The following SUCLG2 variants were observed in gnomAD, a reference collection of about 807,000 sequenced individuals.
SUCLG2 encodes the protein succinate-CoA ligase GDP-forming subunit beta.
A neutral mutation model predicts 47.9 loss-of-function variants in SUCLG2; 42 were observed. That is an observed-to-expected ratio of 0.88 (90% confidence interval 0.69 to 1.14). The LOEUF (loss-of-function observed/expected upper bound fraction) is 1.14, where lower values mean the gene tolerates loss of function less well. SUCLG2 is among the 50% of genes most tolerant of loss of function. The pLI is 0.00. For missense variants in SUCLG2, 571 were observed against 525.9 expected (o/e 1.09, Z -0.84); for synonymous variants, 195 against 197.3 (o/e 0.99, Z 0.10).
intron 6 of SUCLG2, among the ~76,000 whole-genome samples, chr3:67,509,718 G>T (rs563584143): frequency 6.6e-6 from 1 of 152,310 alleles, no homozygotes; most frequent in South Asian, 2.1e-4. Context: ...GCAAGAGGGT[G>T]GATCGTGGAG....
intron 9 of SUCLG2, among the ~76,000 whole-genome samples, chr3:67,457,803 C>T (rs1392666744): frequency 1.4e-5 from 2 of 146,590 alleles, no homozygotes; most frequent in East Asian, 4.3e-4. Flanking sequence ...ATGCATGAGA[C>T]ACAGTGGTAC....
chr3:67,623,178 G>A (rs1700764086), intron 1 of SUCLG2, among the ~76,000 whole-genome samples: 2 of 152,128 alleles, frequency 1.3e-5, no homozygotes, highest in South Asian at 4.1e-4. Flanking sequence ...TGTGTTCCAA[G>A]AATCATCTCC....
intron 1 of SUCLG2, among the ~76,000 whole-genome samples, chr3:67,622,845 G>T (rs1700758302): frequency 6.6e-6 from 1 of 152,172 alleles, no homozygotes; most frequent in South Asian, 2.1e-4. Flanking sequence ...TCCCTCAACA[G>T]GCCAGCATTA....
chr3:67,632,764 T>C (rs1700948908), intron 1 of SUCLG2, among the ~76,000 whole-genome samples: 1 of 152,108 alleles, frequency 6.6e-6, no homozygotes, highest in African/African-American at 2.4e-5. Flanking sequence ...GATTAACACA[T>C]GTTTCCAAGG....
At chr3:67,511,252 A>G (rs1040605727) in intron 6 of SUCLG2, among the ~76,000 whole-genome samples, 6 of 152,186 alleles carry the variant, frequency 3.9e-5, no homozygotes, top group Non-Finnish European at 8.8e-5. Flanking sequence ...TATCAGAGAC[A>G]CTATTTTCCA....
chr3:67,506,489 T>A (rs74367243), intron 7 of SUCLG2, among the ~76,000 whole-genome samples: 1 of 136,180 alleles, frequency 7.3e-6, no homozygotes, highest in South Asian at 2.8e-4. Flanking sequence ...TAAAAAAAAA[T>A]CTCAAGACTC....
In SUCLG2 at chr3:67,572,817, C is replaced by T. The variant is rs1707649317; in HGVS notation, c.226+36638G>A. Among the ~76,000 whole-genome samples, 2 of 151,162 alleles carry T rather than the reference C, an allele frequency of 1.3e-5. 1 individual carries two copies. Among genetic ancestry groups the T allele is most frequent in the South Asian group, 4.2e-4 (2 of 4,804 alleles). On this transcript the variant is annotated intron_variant, in intron 2 of 10. Coordinates refer to ENST00000307227, the MANE Select transcript of SUCLG2 (RefSeq NM_003848.4). ...CATGGTAGTAGAGGTTGAGCCACTG[C>T]AAGCAGGCAAGGAAGGAAAAAAAAA...
intron 10 of SUCLG2, among the ~76,000 whole-genome samples, chr3:67,396,403 A>G (rs1311772522): frequency 6.6e-6 from 1 of 152,152 alleles, no homozygotes; most frequent in Admixed American, 6.5e-5. Context: ...CCTCTACGCA[A>G]ATAAACTAGA....
At chr3:67,603,658 T>G (rs1351096301) in intron 2 of SUCLG2, among the ~76,000 whole-genome samples, 6 of 152,218 alleles carry the variant, frequency 3.9e-5, no homozygotes, top group Non-Finnish European at 8.8e-5. Context: ...CTTAATCAAA[T>G]GGTAAGAGTC....
intron 2 of SUCLG2, 142 bp from the exon 3 acceptor site, chr3:67,529,328 G>C: frequency 1.6e-6 from 1 of 636,940 alleles, no homozygotes; most frequent in South Asian, 2.0e-5. Flanking sequence ...TAAATGCAAT[G>C]AAGAACTTCA....
intron 2 of SUCLG2, among the ~76,000 whole-genome samples, chr3:67,533,407 G>A (rs544142807): frequency 6.6e-6 from 1 of 152,278 alleles, no homozygotes; most frequent in Admixed American, 6.5e-5. Flanking sequence ...TTCACTGACT[G>A]GAGCAAAATT....
chr3:67,521,410 G>C (rs187299371), intron 4 of SUCLG2, among the ~76,000 whole-genome samples: 2 of 152,256 alleles, frequency 1.3e-5, no homozygotes, highest in East Asian at 1.9e-4. Context: ...TTCCACAAGT[G>C]AGTGGGGACT....
intron 2 of SUCLG2, among the ~76,000 whole-genome samples, chr3:67,546,342 G>A (rs1053659079): frequency 2.0e-5 from 3 of 152,192 alleles, no homozygotes; most frequent in Non-Finnish European, 4.4e-5. Flanking sequence ...AATGGTATTA[G>A]TGTGGCACAG....
At chr3:67,492,862 T>G (rs1282556231) in intron 9 of SUCLG2, among the ~76,000 whole-genome samples, 5 of 152,182 alleles carry the variant, frequency 3.3e-5, no homozygotes, top group African/African-American at 4.8e-5. Context: ...TAACTAAAAT[T>G]TTCAGCTCTA....
At position 67,654,555 on chromosome 3, in the gene SUCLG2, T is replaced by G; in HGVS notation, c.32A>C (p.Lys11Thr). Residue 11 changes from lysine (K) to threonine (T), a missense_variant, in exon 1 of 11, where the codon AAG (lysine) becomes ACG (threonine). By Grantham distance (78) the Lys-to-Thr change is moderately conservative. Transcript: ENST00000307227. MASPVAAQAGKLLRALALRPR... is the reference protein window; with the variant it reads MASPVAAQAGTLLRALALRPR... Reference sequence around the variant, plus strand: ...CCGCAGCGCTAGGGCTCGCAGAAGCTTCCCGGCCTGCGCTGCTACGGGGGA... The same window carrying G: ...CCGCAGCGCTAGGGCTCGCAGAAGCGTCCCGGCCTGCGCTGCTACGGGGGA... 2.4e-6 allele frequency: 3 copies of G among 1,272,020 alleles called. No homozygotes were observed. Among genetic ancestry groups the G allele is most frequent in the Non-Finnish European group, 3.0e-6 (3 of 1,006,430 alleles). 78.8% of individuals were successfully genotyped at this position (1,272,020 alleles called of 1,614,324 possible).
chr3:67,598,941 T>A (rs1708354777), intron 2 of SUCLG2, among the ~76,000 whole-genome samples: 1 of 152,150 alleles, frequency 6.6e-6, no homozygotes, highest in Non-Finnish European at 1.5e-5. Context: ...CCTTCTTAAA[T>A]ACTACCACAG....
At chr3:67,431,656 C>T (rs1452202312) in intron 9 of SUCLG2, among the ~76,000 whole-genome samples, 3 of 151,340 alleles carry the variant, frequency 2.0e-5, no homozygotes, top group Non-Finnish European at 2.9e-5. Flanking sequence ...CCAAACACCG[C>T]ATGTTCTCAC....
chr3:67,586,730 C>G (rs1006445944), intron 2 of SUCLG2, among the ~76,000 whole-genome samples: 1 of 152,208 alleles, frequency 6.6e-6, no homozygotes, highest in Non-Finnish European at 1.5e-5. Context: ...GTTAGGAACA[C>G]AGACTGGGAC....
chr3:67,533,243 T>A (rs1399273251), intron 2 of SUCLG2, among the ~76,000 whole-genome samples: 1 of 152,220 alleles, frequency 6.6e-6, no homozygotes, highest in African/African-American at 2.4e-5. Context: ...CTATTTGTGT[T>A]ACTGAGCTGG....
Sources: allele counts gnomAD v4.1 joint callset (sites outside exome capture counted in the v4.1 genomes callset), GRCh38; gene constraint gnomAD v4.1.1; transcripts MANE v1.5; gene names NCBI Gene and HGNC (gene_info 2026-07-23, HGNC 2026-07-21).